CHN2: variants seen among roughly 807,000 people sequenced by gnomAD.
CHN2 encodes the protein chimerin 2, also known as beta-chimaerin.
In CHN2, 35 loss-of-function variants were observed where a neutral mutation model predicts 56.3. The observed-to-expected ratio is 0.62, with a 90% CI of 0.47 to 0.82. The LOEUF (loss-of-function observed/expected upper bound fraction) is 0.82, where lower values mean the gene tolerates loss of function less well. Among genes scored for constraint, CHN2 ranks in the 40% least tolerant of loss-of-function variants. The probability of loss-of-function intolerance (pLI) is 0.00; values close to 1 mark genes in which losing one functional copy is unlikely to be tolerated. For synonymous variants in CHN2, 210 were observed against 212.8 expected, an observed-to-expected ratio of 0.99 and a Z score of 0.12; for missense variants, 491 against 580.5, an observed-to-expected ratio of 0.85 and a Z score of 1.58.
intron 2 of CHN2, among the ~76,000 whole-genome samples, chr7:29,364,423 T>C (rs935693693): frequency 1.3e-5 from 2 of 152,228 alleles, no homozygotes; most frequent in Admixed American, 6.5e-5. Flanking sequence ...TTCAACCATA[T>C]ATCACTGTTG....
intron 10 of CHN2, among the ~76,000 whole-genome samples, chr7:29,506,507 C>T (rs920876076): frequency 2.4e-4 from 37 of 151,938 alleles, no homozygotes; most frequent in Admixed American, 2.4e-3. Context: ...CATGGTGGCA[C>T]GTCCCTGGAA....
intron 1 of CHN2, among the ~76,000 whole-genome samples, chr7:29,323,165 C>A (rs73301239): frequency 6.7e-6 from 1 of 150,344 alleles, no homozygotes; most frequent in African/African-American, 2.5e-5. Flanking sequence ...CCCGTTCCCC[C>A]CCAACAAAAA....
At chr7:29,185,326 G>A (rs981312904) in intron 2 of CHN2, among the ~76,000 whole-genome samples, 3 of 152,118 alleles carry the variant, frequency 2.0e-5, no homozygotes, top group Non-Finnish European at 4.4e-5. Flanking sequence ...TCATAACATG[G>A]ACCAAAATTT....
At chr7:29,492,767 C>G (rs1440982112) in intron 7 of CHN2, among the ~76,000 whole-genome samples, 1 of 152,220 alleles carries the variant, frequency 6.6e-6, no homozygotes, top group Non-Finnish European at 1.5e-5. Flanking sequence ...CTACCCTCAG[C>G]CATCCAAAGA....
intron 1 of CHN2, among the ~76,000 whole-genome samples, chr7:29,353,640 A>AG (rs1223420092): frequency 1.3e-5 from 2 of 152,150 alleles, no homozygotes; most frequent in African/African-American, 4.8e-5. Flanking sequence ...TCAAAAAAAA[A>AG]GAAAGAAAGA....
At chr7:29,489,586 C>T (rs114860568) in intron 7 of CHN2, among the ~76,000 whole-genome samples, 130 of 152,276 alleles carry the variant, frequency 8.5e-4, no homozygotes, top group African/African-American at 2.9e-3. Context: ...AACAATATAT[C>T]GGTCGTGAAA....
chr7:29,155,178 C>T (rs1464028070), intron 2 of CHN2, among the ~76,000 whole-genome samples: 1 of 151,928 alleles, frequency 6.6e-6, no homozygotes, highest in African/African-American at 2.4e-5. Context: ...ACAGCCAAAC[C>T]ATATCACTCC....
intron 3 of CHN2, among the ~76,000 whole-genome samples, chr7:29,369,015 G>A (rs184677742): frequency 4.2e-4 from 64 of 151,946 alleles, no homozygotes; most frequent in South Asian, 1.3e-3. Flanking sequence ...CTAACTCTGC[G>A]GTCAATATAT....
At chr7:29,472,293 A>ACACG (rs907858686) in intron 6 of CHN2, among the ~76,000 whole-genome samples, 6 of 148,368 alleles carry the variant, frequency 4.0e-5, no homozygotes, top group South Asian at 2.1e-4. Flanking sequence ...ACACACACAC[A>ACACG]CACACGCACA....
intron 6 of CHN2, among the ~76,000 whole-genome samples, chr7:29,460,458 G>T (rs910122015): frequency 6.6e-6 from 1 of 152,194 alleles, no homozygotes; most frequent in East Asian, 1.9e-4. Context: ...CCTTCTAAAG[G>T]CAAAGCGCTG....
intron 1 of CHN2, among the ~76,000 whole-genome samples, chr7:29,273,659 C>G (rs1463227798): frequency 6.6e-6 from 1 of 151,866 alleles, no homozygotes; most frequent in Admixed American, 6.6e-5. Flanking sequence ...TTTTCCTTTT[C>G]TCCCTATTGT....
At chr7:29,385,063 T>C (rs1206546261) in intron 3 of CHN2, among the ~76,000 whole-genome samples, 2 of 152,232 alleles carry the variant, frequency 1.3e-5, no homozygotes, top group African/African-American at 2.4e-5. Flanking sequence ...GAGGTTCCCT[T>C]ATTAATCTTA....
At chr7:29,498,278 G>A (rs1045803498) in intron 8 of CHN2, among the ~76,000 whole-genome samples, 1 of 152,168 alleles carries the variant, frequency 6.6e-6, no homozygotes, top group Non-Finnish European at 1.5e-5. Context: ...AATGCCAGGA[G>A]GTAGGTGCTA....
chr7:29,178,468 C>T (rs998695084), intron 2 of CHN2, among the ~76,000 whole-genome samples: 2 of 152,106 alleles, frequency 1.3e-5, no homozygotes, highest in Non-Finnish European at 2.9e-5. Context: ...CTGACTCAGC[C>T]CTTTAAATCT....
upstream of CHN2, chr7:29,194,322 A>T (rs1447690610): frequency 7.1e-6 from 1 of 141,290 alleles, no homozygotes; most frequent in Non-Finnish European, 1.6e-5. Context: ...CCCCCTGTCC[A>T]GCAGTCCGCA....
intron 4 of CHN2, chr7:29,397,041 C>G (rs539481046): frequency 1.3e-5 from 2 of 152,284 alleles, no homozygotes; most frequent in Non-Finnish European, 2.9e-5. Context: ...GAGCATTGCT[C>G]CAAGACCTCC....
At position 29,195,627 on chromosome 7, in the gene CHN2, A is replaced by AGTGT. The variant is rs1304546305; in HGVS notation, c.49+638_49+639insTGTG. Among the ~76,000 whole-genome samples the AGTGT allele has an allele frequency of 1.7e-3, 194 of 116,668 alleles. 1 individual carries two copies. The highest frequency in any genetic ancestry group is 8.1e-3 in the South Asian group (28 of 3,470). 76.5% of individuals were successfully genotyped at this position (116,668 alleles called of 152,430 possible). On this transcript the variant is annotated intron_variant, in intron 1 of 12. Coordinates refer to ENST00000222792, the MANE Select transcript of CHN2 (RefSeq NM_004067.4). Reference sequence around the variant, plus strand: ...GAGAGAGAGAGAGAGAGAGAGAGAGAGAGTGTGTGTGTGTGTGTGTGTGAG... The same window carrying AGTGT: ...GAGAGAGAGAGAGAGAGAGAGAGAGAGTGTGAGTGTGTGTGTGTGTGTGTGTGAG...
rs1283325976 is a variant in CHN2, at chr7:29,252,619, C to T, written c.49+57629C>T. Among the ~76,000 whole-genome samples the T allele has an allele frequency of 6.4e-4, 9 of 13,982 alleles. No individual in the cohort carries two copies. In the Admixed American group the frequency reaches 9.7e-3, roughly 15 times the overall value. 9.2% of individuals were successfully genotyped at this position (13,982 alleles called of 152,430 possible). ...TTTTTTTTTTTTTGAGACGGAGTCT[C>T]GCTCTGTCGCCCAGGCCAGACTGCG... On this transcript the variant is annotated intron_variant, in intron 1 of 12. Transcript: ENST00000222792.
At chr7:29,173,979 G>C (rs1796940304) in intron 2 of CHN2, among the ~76,000 whole-genome samples, 1 of 151,826 alleles carries the variant, frequency 6.6e-6, no homozygotes, top group Non-Finnish European at 1.5e-5. Flanking sequence ...TCTAAAGACT[G>C]AGTATGCACT....
Sources: allele counts gnomAD v4.1 joint callset (sites outside exome capture counted in the v4.1 genomes callset), GRCh38; gene constraint gnomAD v4.1.1; transcripts MANE v1.5; gene names NCBI Gene and HGNC (gene_info 2026-07-23, HGNC 2026-07-21).